The following USH2A variants were observed in gnomAD, a reference collection of about 807,000 sequenced individuals.
The protein encoded by USH2A is Usher syndrome 2A (autosomal recessive, mild).
In USH2A, 443 loss-of-function variants were observed where a neutral mutation model predicts 538.9. That is an observed-to-expected ratio of 0.82 (90% confidence interval 0.76 to 0.89). The LOEUF (loss-of-function observed/expected upper bound fraction) is 0.89, where lower values mean the gene tolerates loss of function less well. Among genes scored for constraint, USH2A ranks in the 40% least tolerant of loss-of-function variants. The pLI, the probability that USH2A is intolerant of heterozygous loss-of-function variation, is 0.00. For missense variants in USH2A, 6,633 were observed against 6,324.8 expected (o/e 1.05, Z -1.65); for synonymous variants, 2,413 against 2,273.5 (o/e 1.06, Z -1.75).
At chr1:215,696,129 T>C (rs1658800338) in intron 61 of USH2A, among the ~76,000 whole-genome samples, 1 of 152,166 alleles carries the variant, frequency 6.6e-6, no homozygotes, top group Non-Finnish European at 1.5e-5. Context: ...ACATAAGCTG[T>C]CAACAAACAC....
intron 2 of USH2A, among the ~76,000 whole-genome samples, chr1:216,420,276 T>G (rs2039654129): frequency 6.6e-6 from 1 of 152,092 alleles, no homozygotes; most frequent in African/African-American, 2.4e-5. Context: ...GAAAATGCAT[T>G]TCTTAATATG....
In USH2A at chr1:216,289,351, C is replaced by T; in HGVS notation, c.1900G>A (p.Ala634Thr). 6.2e-7 allele frequency: 1 copy of T among 1,613,926 alleles called. No homozygotes were observed. The highest frequency in any genetic ancestry group is 8.5e-7 in the Non-Finnish European group (1 of 1,179,858). ...TCACAGGGTTTGCAAACATCTATGGCCGAAGGATCTGCACCAACTTGTCGG... is the reference window on the plus strand; with the variant it reads ...TCACAGGGTTTGCAAACATCTATGGTCGAAGGATCTGCACCAACTTGTCGG... ...FFRQVGADPS[A>T]IDVCKPCDCD... is the part of the protein sequence containing the mutation. Residue 634 changes from alanine to threonine, a missense_variant, in exon 11 of 72, where the codon GCC (alanine) becomes ACC (threonine). Transcript: ENST00000307340.
chr1:215,940,631 C>T (rs186529582), intron 37 of USH2A, among the ~76,000 whole-genome samples: 13 of 152,120 alleles, frequency 8.5e-5, no homozygotes, highest in South Asian at 4.2e-4. Context: ...CATATGCCTA[C>T]GAAGCTGTCT....
chr1:215,645,992 A>G (rs930623428), intron 67 of USH2A, among the ~76,000 whole-genome samples: 1 of 152,148 alleles, frequency 6.6e-6, no homozygotes, highest in African/African-American at 2.4e-5. Flanking sequence ...ATTGGTGGCT[A>G]AAGAGTTTTT....
chr1:215,625,896 G>A (rs552367338), intron 71 of USH2A, 26 bp from the exon 72 acceptor site: 1 of 1,589,116 alleles, frequency 6.3e-7, no homozygotes, highest in African/African-American at 1.3e-5. Context: ...ATCATCATTG[G>A]CTACATACTT....
At chr1:215,895,913 C>T (rs1302879577) in intron 40 of USH2A, among the ~76,000 whole-genome samples, 1 of 152,098 alleles carries the variant, frequency 6.6e-6, no homozygotes, top group African/African-American at 2.4e-5. Flanking sequence ...CAAACCTGTA[C>T]AGCATGTTAC....
At chr1:216,310,446 TC>T (rs2102636361) in intron 9 of USH2A, among the ~76,000 whole-genome samples, 1 of 152,264 alleles carries the variant, frequency 6.6e-6, no homozygotes, top group Non-Finnish European at 1.5e-5. Flanking sequence ...CCTCTTCAAC[TC>T]CCTCTTGAAT....
chr1:216,154,086 C>A, intron 21 of USH2A, among the ~76,000 whole-genome samples: 1 of 152,118 alleles, frequency 6.6e-6, no homozygotes, highest in East Asian at 1.9e-4. Flanking sequence ...AATAACTGGT[C>A]AACTGTATAC....
intron 44 of USH2A, among the ~76,000 whole-genome samples, chr1:215,855,442 A>C (rs1050199769): frequency 4.6e-5 from 7 of 152,222 alleles, no homozygotes; most frequent in South Asian, 4.1e-4. Context: ...CTACCTAACC[A>C]AGGAGGTGAA....
chr1:215,926,643 G>A (rs1445281490), intron 38 of USH2A, among the ~76,000 whole-genome samples: 2 of 66,720 alleles, frequency 3.0e-5, no homozygotes, highest in Non-Finnish European at 2.9e-5. Flanking sequence ...TTGAGACAGA[G>A]TTTTGCTCTT....
chr1:216,387,962 T>C (rs1002631724), intron 3 of USH2A, among the ~76,000 whole-genome samples: 1 of 152,136 alleles, frequency 6.6e-6, no homozygotes, highest in Non-Finnish European at 1.5e-5. Context: ...TAACCCTCTC[T>C]TTTGTCCAAA....
intron 64 of USH2A, among the ~76,000 whole-genome samples, chr1:215,663,931 C>T (rs1248223586): frequency 1.3e-5 from 2 of 151,986 alleles, no homozygotes; most frequent in Non-Finnish European, 2.9e-5. Context: ...TCCTCAGATG[C>T]CTGGTGAAAG....
chr1:215,758,505 A>G (rs1660878808), intron 58 of USH2A, 90 bp downstream of exon 58: 1 of 1,488,082 alleles, frequency 6.7e-7, no homozygotes, highest in Non-Finnish European at 9.2e-7. Context: ...TGTCTTTCTG[A>G]TTTACTAAAT....
chr1:215,709,797 A>T (rs969169898), intron 61 of USH2A, among the ~76,000 whole-genome samples: 1 of 152,342 alleles, frequency 6.6e-6, no homozygotes, highest in Admixed American at 6.5e-5. Flanking sequence ...TAAAATGTGT[A>T]TGTCACAAAA....
At chr1:216,140,551 T>C (rs1006315614) in intron 21 of USH2A, among the ~76,000 whole-genome samples, 5 of 152,202 alleles carry the variant, frequency 3.3e-5, no homozygotes, top group Admixed American at 6.5e-5. Context: ...CTCTCTCCCA[T>C]AGAACTCCAA....
At chr1:216,334,518 A>G (rs918832464) in intron 4 of USH2A, among the ~76,000 whole-genome samples, 5 of 151,944 alleles carry the variant, frequency 3.3e-5, no homozygotes, top group African/African-American at 1.2e-4. Flanking sequence ...ACTTCAATCA[A>G]AAAGTAGATA....
chr1:216,304,238 A>G (rs926814852), intron 9 of USH2A, among the ~76,000 whole-genome samples: 2 of 151,900 alleles, frequency 1.3e-5, no homozygotes, highest in Non-Finnish European at 2.9e-5. Flanking sequence ...ACATTTGAAG[A>G]CCTCCAGTAG....
chr1:216,250,844 G>C (rs948633319), intron 12 of USH2A, 59 bp downstream of exon 12: 5 of 1,568,914 alleles, frequency 3.2e-6, no homozygotes, highest in African/African-American at 2.7e-5. Flanking sequence ...AAATCAAATA[G>C]AGAATTTTAT....
At chr1:216,069,985 TA>T in intron 30 of USH2A, 115 bp downstream of exon 30, 1 of 1,267,640 alleles carries the variant, frequency 7.9e-7, no homozygotes, top group Non-Finnish European at 1.1e-6. Flanking sequence ...TTTAATCAGG[TA>T]AAATACATGT....
Sources: allele counts gnomAD v4.1 joint callset (sites outside exome capture counted in the v4.1 genomes callset), GRCh38; gene constraint gnomAD v4.1.1; transcripts MANE v1.5; gene names NCBI Gene and HGNC (gene_info 2026-07-23, HGNC 2026-07-21).